The following SMARCB1 variants were observed in gnomAD, a reference collection of about 807,000 sequenced individuals.
SMARCB1 encodes SWI/SNF related BAF chromatin remodeling complex subunit B1, also known as SWI/SNF-related matrix-associated actin-dependent regulator of chromatin subfamily B member 1.
A neutral mutation model predicts 49.0 loss-of-function variants in SMARCB1; 5 were observed. That is an observed-to-expected ratio of 0.10 (90% confidence interval 0.05 to 0.21). SMARCB1 has a LOEUF of 0.21. Among genes scored for constraint, SMARCB1 ranks in the 10% least tolerant of loss-of-function variants. The pLI is 1.00. For missense variants in SMARCB1, 226 were observed against 509.2 expected, an observed-to-expected ratio of 0.44 and a Z score of 5.35; for synonymous variants, 201 against 200.1, an observed-to-expected ratio of 1.00 and a Z score of -0.04.
intron 5 of SMARCB1, among the ~76,000 whole-genome samples, chr22:23,805,631 G>A (rs1213590869): frequency 2.6e-5 from 4 of 152,006 alleles, no homozygotes; most frequent in African/African-American, 9.7e-5. Context: ...TCAGCCTCCC[G>A]AGTAGCTGGG....
chr22:23,831,924 C>A (rs920895013), intron 7 of SMARCB1, among the ~76,000 whole-genome samples: 4 of 152,170 alleles, frequency 2.6e-5, no homozygotes, highest in African/African-American at 9.7e-5. Flanking sequence ...CCGACATTGC[C>A]TCTGGCCCTG....
In SMARCB1 at chr22:23,837,523, G is replaced by C. The variant is rs2031172993; in HGVS notation, c.*3343G>C. The C allele has an allele frequency of 1.1e-6, 1 of 928,500 alleles. No individual in the cohort carries two copies. Among genetic ancestry groups the C allele is most frequent in the Non-Finnish European group, 1.6e-6 (1 of 623,414 alleles). The allele number at this position is 928,500 out of a possible 1,614,324, so 57.5% of individuals were successfully genotyped here. On this transcript the variant is annotated 3_prime_UTR_variant, in exon 9 of 9. Coordinates refer to ENST00000644036, the MANE Select transcript of SMARCB1 (RefSeq NM_003073.5). ...GGGGCTGTAAGAGCACAGCAGCTGG[G>C]AGGGCAGGAAGATGGGGATGGAGCC...
intron 5 of SMARCB1, among the ~76,000 whole-genome samples, chr22:23,807,448 G>T (rs1361980947): frequency 1.3e-5 from 2 of 152,220 alleles, no homozygotes; most frequent in East Asian, 3.9e-4. Flanking sequence ...GGTAGCACGT[G>T]CCTGTGATCT....
At chr22:23,817,075 C>G (rs959365191) in intron 6 of SMARCB1, 139 bp downstream of exon 6, 9 of 706,850 alleles carry the variant, frequency 1.3e-5, no homozygotes, top group Non-Finnish European at 2.0e-5. Context: ...TAACACCTGG[C>G]TTTGCTCCCT....
At chr22:23,804,658 C>G (rs1929381884) in intron 5 of SMARCB1, among the ~76,000 whole-genome samples, 1 of 152,198 alleles carries the variant, frequency 6.6e-6, no homozygotes, top group South Asian at 2.1e-4. Context: ...ATTCTCGTGC[C>G]TCAGCCTCCT....
At chr22:23,789,829 C>CCA (rs1034402840) in intron 1 of SMARCB1, among the ~76,000 whole-genome samples, 32 of 152,166 alleles carry the variant, frequency 2.1e-4, no homozygotes, top group African/African-American at 7.2e-4. Context: ...CGGTCTCAGC[C>CCA]CACTGCCCTG....
At chr22:23,793,781 C>CTTT (rs11413092) in intron 3 of SMARCB1, 93 bp downstream of exon 3, 7,797 of 767,564 alleles carry the variant, frequency 0.01, 11 homozygotes, top group South Asian at 0.016. Flanking sequence ...AATTGAAACA[C>CTTT]TTTTTTTTTT....
At chr22:23,829,883 C>T (rs764091536) in intron 7 of SMARCB1, among the ~76,000 whole-genome samples, 6 of 152,210 alleles carry the variant, frequency 3.9e-5, no homozygotes, top group African/African-American at 7.2e-5. Flanking sequence ...TTGCCTATTC[C>T]GGGTACTTCA....
chr22:23,834,937 G>C lies in SMARCB1; in HGVS notation c.*757G>C, dbSNP rs376282336. ...GCCTTGCTGCTCTGAAGTCCCCTGC[G>C]GAGGGCCCAGTCCTGTGTGGGCACT... On this transcript the variant is annotated 3_prime_UTR_variant, in exon 9 of 9. Transcript: ENST00000644036. 1 of 1,605,046 alleles carries C rather than the reference G, an allele frequency of 6.2e-7. No individual in the cohort carries two copies. Among genetic ancestry groups the C allele is most frequent in the Non-Finnish European group, 8.5e-7 (1 of 1,177,430 alleles).
At chr22:23,831,539 A>G (rs890078885) in intron 7 of SMARCB1, among the ~76,000 whole-genome samples, 8 of 152,158 alleles carry the variant, frequency 5.3e-5, no homozygotes, top group Non-Finnish European at 4.4e-5. Context: ...CCATGCCCAC[A>G]TGCCCCCAAA....
At position 23,834,987 on chromosome 22, in the gene SMARCB1, C is replaced by A; in HGVS notation, c.*807C>A. On this transcript the variant is annotated 3_prime_UTR_variant, in exon 9 of 9. Transcript: ENST00000644036. ...TGCTGGGCTGTCGCCAGCCTGGGTG[C>A]AGGAGGGCTGTTCTAGCTCCAGTGG... The A allele has an allele frequency of 1.3e-6, 2 of 1,510,858 alleles. No individual in the cohort carries two copies. Among genetic ancestry groups the A allele is most frequent in the Non-Finnish European group, 8.8e-7 (1 of 1,132,240 alleles). The allele number at this position is 1,510,858 out of a possible 1,614,324, so 93.6% of individuals were successfully genotyped here.
intron 3 of SMARCB1, among the ~76,000 whole-genome samples, chr22:23,800,484 C>T (rs751484080): frequency 3.3e-5 from 5 of 152,304 alleles, no homozygotes; most frequent in Non-Finnish European, 7.4e-5. Context: ...TCTCACGGAG[C>T]ATGTGAGACC....
rs56800497 is a variant in SMARCB1 at position 23,830,649 on chromosome 22, C to CTTTTTTTT, written c.987-2897_987-2890dup. Among the ~76,000 whole-genome samples the CTTTTTTTT allele has an allele frequency of 6.2e-4, 59 of 95,394 alleles. 1 individual carries two copies. Among genetic ancestry groups the CTTTTTTTT allele is most frequent in the East Asian group, 1.5e-3 (4 of 2,662 alleles). The allele number at this position is 95,394 out of a possible 152,430, so 62.6% of individuals were successfully genotyped here. ...TTCATTTTGATGTAGTCCAATTTATCTTTTTTTTTTTTTTTTTTTTTTTTT... is the reference window on the plus strand; with the variant it reads ...TTCATTTTGATGTAGTCCAATTTATCTTTTTTTTTTTTTTTTTTTTTTTTTTTTTTTTT... On this transcript the variant is annotated intron_variant, in intron 7 of 8. Coordinates refer to ENST00000644036, the MANE Select transcript of SMARCB1 (RefSeq NM_003073.5).
intron 4 of SMARCB1, 138 bp from the exon 5 acceptor site, chr22:23,803,157 G>A: frequency 8.8e-7 from 1 of 1,136,622 alleles, no homozygotes; most frequent in South Asian, 1.2e-5. Flanking sequence ...CTCGTCTGCT[G>A]CCTCAGCTGT....
chr22:23,818,954 G>C (rs917839161), intron 6 of SMARCB1, among the ~76,000 whole-genome samples: 1 of 151,452 alleles, frequency 6.6e-6, no homozygotes, highest in African/African-American at 2.4e-5. Flanking sequence ...GATCCACCCG[G>C]TGCAGCCTCC....
intron 3 of SMARCB1, among the ~76,000 whole-genome samples, chr22:23,799,422 C>T (rs111541850): frequency 0.036 from 5,341 of 149,070 alleles, 145 homozygotes; most frequent in East Asian, 0.12. Flanking sequence ...GGATTATAGA[C>T]GTGTGCCACC....
Position 23,812,110 on chromosome 22 carries a change from A to G in SMARCB1, c.629-4660A>G, listed in dbSNP as rs142748810. Among the ~76,000 whole-genome samples, 765 of 152,322 alleles carry G rather than the reference A, an allele frequency of 5.0e-3. 8 individuals are homozygous for G. The highest frequency in any genetic ancestry group is 0.017 in the African/African-American group (707 of 41,580). ...CCACAACTCATCCAATGTCAAATAG[A>G]TAATTTGAGTTGCCCTATAACTATT... On this transcript the variant is annotated intron_variant, in intron 5 of 8. Coordinates refer to ENST00000644036, the MANE Select transcript of SMARCB1 (RefSeq NM_003073.5).
chr22:23,825,654 CA>C, intron 7 of SMARCB1: 1 of 562,374 alleles, frequency 1.8e-6, no homozygotes, highest in South Asian at 2.1e-5. Flanking sequence ...GGAGTTCTGT[CA>C]GGGTGAACCT....
chr22:23,820,841 G>A (rs1227249942), intron 6 of SMARCB1, among the ~76,000 whole-genome samples: 4 of 152,186 alleles, frequency 2.6e-5, no homozygotes, highest in Non-Finnish European at 5.9e-5. Context: ...GGGCAGCCCT[G>A]AGGGCTCCAC....
Sources: gnomAD v4.1 joint callset for allele counts (sites outside exome capture counted in the v4.1 genomes callset) on GRCh38, gnomAD v4.1.1 for gene constraint, MANE v1.5 for transcripts, NCBI Gene and HGNC (gene_info 2026-07-23, HGNC 2026-07-21) for gene names.